Variants in RASL11B observed in about 807,000 individuals in gnomAD.
RASL11B encodes ras-like protein family member 11B.
A neutral mutation model predicts 22.9 loss-of-function variants in RASL11B; 14 were observed. The observed-to-expected ratio is 0.61, with a 90% CI of 0.40 to 0.96. The LOEUF is 0.96. Among genes scored for constraint, RASL11B ranks in the 40% least tolerant of loss-of-function variants. The pLI, the probability that RASL11B is intolerant of heterozygous loss-of-function variation, is 0.00. For missense variants in RASL11B, 261 were observed against 322.0 expected (o/e 0.81, Z 1.45); for synonymous variants, 143 against 130.2 (o/e 1.10, Z -0.67).
In RASL11B at chr4:52,865,658, G is replaced by A. The variant is rs187427386; in HGVS notation, c.600G>A (p.Glu200=). Residue 200 remains glutamate (E), a synonymous_variant, in exon 4 of 4, where the codon GAG becomes GAA. Coordinates refer to ENST00000248706, the MANE Select transcript of RASL11B (RefSeq NM_023940.3). ...VYSAFHVLCK[E]VSHKQQPSST... ...GCGCCTTCCACGTCCTCTGTAAAGA[G>A]GTCAGTCACAAACAGCAGCCTAGCA... The A allele has an allele frequency of 2.4e-5, 39 of 1,614,126 alleles. No individual in the cohort carries two copies. The highest frequency in any genetic ancestry group is 2.2e-4 in the South Asian group (20 of 91,086).
rs147480345 is a variant in RASL11B at position 52,865,406 on chromosome 4, C to G, written c.348C>G (p.Ile116Met). 3.7e-6 allele frequency: 6 copies of G among 1,614,170 alleles called. No homozygotes were observed. The highest frequency in any genetic ancestry group is 1.7e-5 in the Admixed American group (1 of 60,022). The change falls in exon 4 of 4, where the codon ATC becomes ATG. Residue 116 changes from isoleucine (I) to methionine (M), a missense_variant. Ile to Met is a conservative substitution (Grantham distance 10). Transcript: ENST00000248706. ...TTCGCTGGGCAGATGCTGTGGTGAT[C>G]GTTTTCTCCATCACTGACTACAAGA... ...RCIRWADAVV[I>M]VFSITDYKSY...
Position 52,866,073 on chromosome 4 carries a change from GC to G in RASL11B, c.*269del, listed in dbSNP as rs1718254691. On this transcript the variant is annotated 3_prime_UTR_variant, in exon 4 of 4. Coordinates refer to ENST00000248706, the MANE Select transcript of RASL11B (RefSeq NM_023940.3). ...TCTTTTCCTTTAGAGTGGGGAGGGG[GC>G]ATAATCGTTTCGGTTTCTGCATTCA... 2.1e-6 allele frequency: 1 copy of G among 470,450 alleles called. No homozygotes were observed. The highest frequency in any genetic ancestry group is 1.9e-5 in the African/African-American group (1 of 51,862). 29.1% of individuals were successfully genotyped at this position (470,450 alleles called of 1,614,324 possible).
chr4:52,863,302 C>T lies in RASL11B; in HGVS notation c.177C>T (p.Ile59=), dbSNP rs1480654107. The change falls in exon 2 of 4, where the codon ATC becomes ATT. Residue 59 remains isoleucine (I), a synonymous_variant. Transcript: ENST00000248706. ...LVVRFLTKRF[I]GDYERNAGNL... ...TCCGGTTCCTCACCAAACGATTCATCGGTGACTATGAAAGAAATGCAGGTG... is the reference window on the plus strand; with the variant it reads ...TCCGGTTCCTCACCAAACGATTCATTGGTGACTATGAAAGAAATGCAGGTG... 6 of 1,613,690 alleles carry T rather than the reference C, an allele frequency of 3.7e-6. No individual in the cohort carries two copies. Among genetic ancestry groups the T allele is most frequent in the East Asian group, 2.2e-5 (1 of 44,880 alleles).
At chr4:52,864,441 G>A in intron 2 of RASL11B, 37 bp from the exon 3 acceptor site, 3 of 1,306,562 alleles carry the variant, frequency 2.3e-6, no homozygotes, top group Non-Finnish European at 3.3e-6. Context: ...AGTTGTACAA[G>A]AAGGAAGAAC....
Position 52,866,030 on chromosome 4 carries a change from T to G in RASL11B, c.*225T>G, listed in dbSNP as rs1027261175. The G allele has an allele frequency of 1.8e-5, 10 of 568,548 alleles. No homozygotes were observed. Among genetic ancestry groups the G allele is most frequent in the Non-Finnish European group, 2.5e-5 (8 of 319,048 alleles). The allele number at this position is 568,548 out of a possible 1,614,324, so 35.2% of individuals were successfully genotyped here. ...AGCCCACTGAGCCACTCTCTGAATA[T>G]GTGAAATGTACTCTGTGTCTTTTCC... On this transcript the variant is annotated 3_prime_UTR_variant, in exon 4 of 4. Transcript: ENST00000248706.
chr4:52,862,442 C>T lies in RASL11B; in HGVS notation c.-66C>T. On this transcript the variant is annotated 5_prime_UTR_variant, in exon 1 of 4. Transcript: ENST00000248706. Reference sequence around the variant, plus strand: ...CCGCAGTCGGGTCCTCCCGCCCGCTCCCGCGCAGCGCTAGCATTCTCCAGT... The same window carrying T: ...CCGCAGTCGGGTCCTCCCGCCCGCTTCCGCGCAGCGCTAGCATTCTCCAGT... The T allele has an allele frequency of 6.5e-7, 1 of 1,535,022 alleles. No individual in the cohort carries two copies. The highest frequency in any genetic ancestry group is 2.5e-5 in the East Asian group (1 of 39,654).
At chr4:52,863,171 C>T in intron 1 of RASL11B, 97 bp from the exon 2 acceptor site, 2 of 1,080,134 alleles carry the variant, frequency 1.9e-6, no homozygotes, top group East Asian at 2.5e-5. Context: ...CCATCTATGG[C>T]TTTCTTTGGG....
rs977068555 is a variant in RASL11B at position 52,864,176 on chromosome 4, A to C, written c.200-302A>C. ...GTACTCAAGAAAACAGAAACCTCAC[A>C]TAGGCTGAGCAAGATAATTTGCATC... On this transcript the variant is annotated intron_variant, in intron 2 of 3. Coordinates refer to ENST00000248706, the MANE Select transcript of RASL11B (RefSeq NM_023940.3). The C allele has an allele frequency of 4.1e-5, 10 of 242,772 alleles. No homozygotes were observed. The Admixed American group carries it at 4.8e-4, about 12-fold the overall frequency. The allele number at this position is 242,772 out of a possible 1,614,324, so 15.0% of individuals were successfully genotyped here. A position where few individuals can be genotyped will look rare whatever the true frequency, so the allele number is the denominator to read the frequency against.
chr4:52,863,206 G>T (rs962403557), intron 1 of RASL11B, 62 bp from the exon 2 acceptor site: 3 of 1,422,566 alleles, frequency 2.1e-6, no homozygotes, highest in African/African-American at 2.8e-5. Context: ...GGCAGGGGGT[G>T]GGGTGGAGAA....
rs1427804976 is a variant in RASL11B, at chr4:52,862,377, C to G, written c.-131C>G. 3 of 815,716 alleles carry G rather than the reference C, an allele frequency of 3.7e-6. No homozygotes were observed. Among genetic ancestry groups the G allele is most frequent in the African/African-American group, 3.7e-5 (2 of 53,542 alleles). 50.5% of individuals were successfully genotyped at this position (815,716 alleles called of 1,614,324 possible). A position where few individuals can be genotyped will look rare whatever the true frequency, so the allele number is the denominator to read the frequency against. The stretch of plus-strand genomic sequence containing the variant: ...GGCGCTCGGCCCCACCCCGCCCGTA[C>G]CTGCACTTATTTATTGTTGTTATTT... On this transcript the variant is annotated 5_prime_UTR_variant, in exon 1 of 4. Transcript: ENST00000248706.
chr4:52,865,272 C>T, intron 3 of RASL11B, 63 bp from the exon 4 acceptor site: 1 of 1,405,484 alleles, frequency 7.1e-7, no homozygotes. Context: ...TTGAAATCTA[C>T]CCAAGCCCAG....
At chr4:52,864,379 C>T in intron 2 of RASL11B, 99 bp from the exon 3 acceptor site, 4 of 711,794 alleles carry the variant, frequency 5.6e-6, no homozygotes, top group South Asian at 5.6e-5. Flanking sequence ...GTTTTGTGTG[C>T]ATTTATGCAT....
intron 1 of RASL11B, 146 bp downstream of exon 1, chr4:52,862,795 T>G: frequency 1.0e-6 from 1 of 969,758 alleles, no homozygotes; most frequent in Non-Finnish European, 1.5e-6. Flanking sequence ...GGGAGTGGGC[T>G]TAGCCGTTGT....
At position 52,865,705 on chromosome 4, in the gene RASL11B, C is replaced by T. The variant is rs764877478; in HGVS notation, c.647C>T (p.Thr216Ile). The T allele has an allele frequency of 8.7e-6, 14 of 1,614,008 alleles. No individual in the cohort carries two copies. Among genetic ancestry groups the T allele is most frequent in the Admixed American group, 1.7e-5 (1 of 60,002 alleles). Residue 216 changes from threonine to isoleucine, a missense_variant, in exon 4 of 4, where the codon ACC (threonine) becomes ATC (isoleucine). By Grantham distance (89) the Thr-to-Ile change is moderately conservative. Coordinates refer to ENST00000248706, the MANE Select transcript of RASL11B (RefSeq NM_023940.3). ...QPSSTPEKRR[T>I]SLIPRPKSPN... ...AGCAGTACACCCGAGAAGCGAAGAA[C>T]CTCCCTCATTCCCAGGCCCAAGTCA...
chr4:52,865,426 A>G lies in RASL11B; in HGVS notation c.368A>G (p.Tyr123Cys), dbSNP rs748518922. 5.0e-6 allele frequency: 8 copies of G among 1,614,054 alleles called. No individual in the cohort carries two copies. The highest frequency in any genetic ancestry group is 2.7e-5 in the African/African-American group (2 of 74,914). ...GTGATCGTTTTCTCCATCACTGACTACAAGAGCTATGAACTCATCAGCCAG... is the reference window on the plus strand; with the variant it reads ...GTGATCGTTTTCTCCATCACTGACTGCAAGAGCTATGAACTCATCAGCCAG... ...AVVIVFSITDYKSYELISQLH... is the reference protein window; with the variant it reads ...AVVIVFSITDCKSYELISQLH... Residue 123 changes from tyrosine to cysteine, a missense_variant, in exon 4 of 4, where the codon TAC becomes TGC. Physicochemically the swap from Tyr to Cys is radical, Grantham distance 194. Transcript: ENST00000248706.
rs1718249324 is a variant in RASL11B, at chr4:52,865,795, C to T, written c.737C>T (p.Thr246Ile). 3 of 1,613,056 alleles carry T rather than the reference C, an allele frequency of 1.9e-6. No homozygotes were observed. The African/African-American group carries it at 4.0e-5, about 22-fold the overall frequency. The change falls in exon 4 of 4, where the codon ACC (threonine) becomes ATC (isoleucine). Residue 246 changes from threonine to isoleucine, a missense_variant. Physicochemically the swap from Thr to Ile is moderately conservative, Grantham distance 89 (BLOSUM62 -1). Coordinates refer to ENST00000248706, the MANE Select transcript of RASL11B (RefSeq NM_023940.3). ...QALSAKVRTV[T>I]SV ...CTCTCTGCCAAAGTGAGGACTGTCA[C>T]CTCCGTCTGAAGCAGGAGGAGCACT...
Position 52,865,316 on chromosome 4 carries a change from C to T in RASL11B, c.277-19C>T, listed in dbSNP as rs780612639. On this transcript the variant is annotated intron_variant, in intron 3 of 3. Coordinates refer to ENST00000248706, the MANE Select transcript of RASL11B (RefSeq NM_023940.3). ...TACAACTGGCCAGCATTCACCTTGCCATCACTCCTCTCTTTCAGGTCCATG... is the reference window on the plus strand; with the variant it reads ...TACAACTGGCCAGCATTCACCTTGCTATCACTCCTCTCTTTCAGGTCCATG... 1.9e-6 allele frequency: 3 copies of T among 1,582,950 alleles called. No individual in the cohort carries two copies. Among genetic ancestry groups the T allele is most frequent in the Non-Finnish European group, 1.7e-6 (2 of 1,158,542 alleles).
Position 52,865,796 on chromosome 4 carries a change from C to CACG in RASL11B, c.738_739insACG (p.Thr246dup). On this transcript the variant is annotated inframe_insertion, in exon 4 of 4. Transcript: ENST00000248706. ...TCTCTGCCAAAGTGAGGACTGTCACCTCCGTCTGAAGCAGGAGGAGCACTC... is the reference window on the plus strand; with the variant it reads ...TCTCTGCCAAAGTGAGGACTGTCACCACGTCCGTCTGAAGCAGGAGGAGCACTC... The CACG allele has an allele frequency of 1.2e-6, 2 of 1,613,200 alleles. No homozygotes were observed. Among genetic ancestry groups the CACG allele is most frequent in the Non-Finnish European group, 1.7e-6 (2 of 1,179,606 alleles).
At chr4:52,862,773 C>A in intron 1 of RASL11B, 124 bp downstream of exon 1, 1 of 1,172,672 alleles carries the variant, frequency 8.5e-7, no homozygotes, top group Non-Finnish European at 1.2e-6. Context: ...GCGCAGGGAG[C>A]CGCTGCCCCT....
Sources: allele counts gnomAD v4.1 joint callset, GRCh38; gene constraint gnomAD v4.1.1; transcripts MANE v1.5; gene names NCBI Gene and HGNC (gene_info 2026-07-23, HGNC 2026-07-21).